Variants in SAXO4 observed in about 807,000 individuals in gnomAD.
SAXO4 encodes the protein stabilizer of axonemal microtubules 4.
the SAXO4 span, chr11:61,482,830 G>A: frequency 6.3e-7 from 1 of 1,576,562 alleles, no homozygotes; most frequent in Non-Finnish European, 8.6e-7. Flanking sequence ...GCCAGGGCCA[G>A]GAGAGGGAAG....
chr11:61,485,415 G>C, the SAXO4 span: 1 of 1,609,564 alleles, frequency 6.2e-7, no homozygotes, highest in Non-Finnish European at 8.5e-7. Flanking sequence ...GGCCCTGTCT[G>C]AACTCACAGC....
the SAXO4 span, chr11:61,486,372 A>G: frequency 4.3e-5 from 69 of 1,614,142 alleles, no homozygotes; most frequent in Admixed American, 1.1e-3. Flanking sequence ...AGTGTCACCA[A>G]GTCAGACTTC....
At chr11:61,488,708 C>T in the SAXO4 span, 8 of 154,658 alleles carry the variant, frequency 5.2e-5, no homozygotes, top group Non-Finnish European at 1.0e-4. Flanking sequence ...GCCCCACCCC[C>T]TGCTCCGGGA....
the SAXO4 span, chr11:61,485,553 G>T: frequency 1.3e-6 from 1 of 778,852 alleles, no homozygotes; most frequent in African/African-American, 1.7e-5. Flanking sequence ...CGCCTCTCCC[G>T]GGCTGACCTC....
the SAXO4 span, chr11:61,485,732 C>A: frequency 2.4e-6 from 3 of 1,238,458 alleles, no homozygotes; most frequent in Non-Finnish European, 3.5e-6. Flanking sequence ...TGCTGGGACA[C>A]TGAGCCTCTG....
At chr11:61,483,596 G>T in the SAXO4 span, among the ~76,000 whole-genome samples, 1 of 152,148 alleles carries the variant, frequency 6.6e-6, no homozygotes, top group Admixed American at 6.6e-5. Flanking sequence ...GATGATAAGA[G>T]CGGGTGGAGT....
chr11:61,482,394 G>C, the SAXO4 span: 1 of 1,614,204 alleles, frequency 6.2e-7, no homozygotes, highest in Non-Finnish European at 8.5e-7. Context: ...CTCATGCCAA[G>C]CCAGTCTGGA....
the SAXO4 span, chr11:61,486,216 G>A: frequency 6.4e-6 from 6 of 934,194 alleles, no homozygotes; most frequent in Admixed American, 1.5e-4. Flanking sequence ...TTTTCTCAGT[G>A]ATGCCCATTT....
the SAXO4 span, chr11:61,489,508 T>C: frequency 1.8e-6 from 1 of 568,974 alleles, no homozygotes; most frequent in Non-Finnish European, 3.1e-6. Flanking sequence ...TGAGACGGGG[T>C]CCCCACCCCA....
the SAXO4 span, chr11:61,486,866 G>A: frequency 4.3e-6 from 5 of 1,175,352 alleles, no homozygotes; most frequent in South Asian, 5.0e-5. Context: ...AGCTGTGTGT[G>A]CCTCTGCCTG....
the SAXO4 span, chr11:61,489,990 C>T: frequency 6.4e-7 from 1 of 1,559,346 alleles, no homozygotes; most frequent in South Asian, 1.2e-5. Flanking sequence ...ACCCCTCATC[C>T]AGGCCGTGTG....
chr11:61,486,004 G>A, the SAXO4 span: 5 of 892,072 alleles, frequency 5.6e-6, no homozygotes, highest in East Asian at 1.0e-4. Flanking sequence ...GAGCTGCAGA[G>A]CCCTTTGTTC....
the SAXO4 span, chr11:61,485,787 T>C: frequency 6.2e-7 from 1 of 1,611,124 alleles, no homozygotes; most frequent in Non-Finnish European, 8.5e-7. Context: ...ACACAGGGCA[T>C]TTCTTTTGCA....
the SAXO4 span, chr11:61,486,681 G>A: frequency 2.1e-6 from 3 of 1,408,836 alleles, no homozygotes; most frequent in South Asian, 1.2e-5. Flanking sequence ...GTGGCATTTG[G>A]GTCAGGCATT....
At chr11:61,484,711 C>G in the SAXO4 span, 2 of 1,613,782 alleles carry the variant, frequency 1.2e-6, no homozygotes, top group Non-Finnish European at 1.7e-6. Context: ...ATTTCGACAC[C>G]CAGGAGCACG....
the SAXO4 span, among the ~76,000 whole-genome samples, chr11:61,487,525 C>A: frequency 6.6e-6 from 1 of 152,188 alleles, no homozygotes. Context: ...GTAAAGCACA[C>A]AACTCAGAAC....
At chr11:61,481,853 AGAT>A in the SAXO4 span, 1 of 1,547,650 alleles carries the variant, frequency 6.5e-7, no homozygotes. Context: ...CCTTATGTGA[AGAT>A]GAGTTCGGGG....
At chr11:61,486,872 G>A in the SAXO4 span, 1 of 1,248,506 alleles carries the variant, frequency 8.0e-7, no homozygotes, top group Non-Finnish European at 1.2e-6. Context: ...GTGTGCCTCT[G>A]CCTGCTCCCC....
At chr11:61,481,391 A>AGTGG in the SAXO4 span, among the ~76,000 whole-genome samples, 1 of 152,058 alleles carries the variant, frequency 6.6e-6, no homozygotes, top group Non-Finnish European at 1.5e-5. Flanking sequence ...TTCCCCAGGT[A>AGTGG]GTGGGTTGTC....
Sources: gnomAD v4.1 joint callset for allele counts (sites outside exome capture counted in the v4.1 genomes callset) on GRCh38, gnomAD v4.1.1 for gene constraint, MANE v1.5 for transcripts, NCBI Gene and HGNC (gene_info 2026-07-23, HGNC 2026-07-21) for gene names.